Variants in PCSK2 observed in about 807,000 individuals in gnomAD.
PCSK2 encodes neuroendocrine convertase 2.
In PCSK2, 14 loss-of-function variants were observed where a neutral mutation model predicts 69.7. The observed-to-expected ratio is 0.20, with a 90% CI of 0.13 to 0.31. The LOEUF is 0.31. Ranked by LOEUF, PCSK2 falls within the 10% of genes least tolerant of loss-of-function variation. The pLI is 1.00. For missense variants in PCSK2, 544 were observed against 842.5 expected (o/e 0.65, Z 4.39); for synonymous variants, 307 against 320.7 (o/e 0.96, Z 0.46).
In PCSK2 at chr20:17,338,434, A is replaced by T. The variant is rs1442022817; in HGVS notation, c.283-19893A>T. Among the ~76,000 whole-genome samples the T allele has an allele frequency of 2.6e-5, 4 of 151,916 alleles. No individual in the cohort carries two copies. The East Asian group carries it at 7.8e-4, about 30-fold the overall frequency. On this transcript the variant is annotated intron_variant, in intron 2 of 11. Transcript: ENST00000262545. ...CTGGTCTTGAACTCCTGACCTTTTG[A>T]TCCACCCATGTCGGCCTCCCAAAGT...
intron 4 of PCSK2, among the ~76,000 whole-genome samples, chr20:17,365,658 A>G (rs1337034230): frequency 8.5e-5 from 13 of 152,224 alleles, no homozygotes; most frequent in South Asian, 2.1e-4. Flanking sequence ...GTAAAATCAA[A>G]CAAGTTACGT....
intron 5 of PCSK2, among the ~76,000 whole-genome samples, chr20:17,408,595 C>T (rs547189062): frequency 4.6e-5 from 7 of 152,120 alleles, no homozygotes; most frequent in Non-Finnish European, 1.0e-4. Context: ...TTTGATCTTT[C>T]GATTGATGTC....
At chr20:17,347,996 AAG>A (rs1990729411) in intron 2 of PCSK2, among the ~76,000 whole-genome samples, 2 of 129,370 alleles carry the variant, frequency 1.5e-5, no homozygotes, top group Admixed American at 7.4e-5. Flanking sequence ...AGAGAGAAAA[AAG>A]AGAAAGAAAG....
chr20:17,360,475 TG>T, intron 3 of PCSK2, 56 bp from the exon 4 acceptor site: 1 of 1,008,158 alleles, frequency 9.9e-7, no homozygotes, highest in South Asian at 1.4e-5. Context: ...AATATGTACA[TG>T]GGTGCTTTAC....
At chr20:17,472,347 A>T (rs1435618641) in intron 11 of PCSK2, among the ~76,000 whole-genome samples, 1 of 152,192 alleles carries the variant, frequency 6.6e-6, no homozygotes, top group Non-Finnish European at 1.5e-5. Flanking sequence ...GCCCTGTGCC[A>T]CCTGGGGGAC....
intron 7 of PCSK2, among the ~76,000 whole-genome samples, chr20:17,434,816 G>A (rs1434677968): frequency 7.2e-5 from 11 of 152,216 alleles, no homozygotes; most frequent in Non-Finnish European, 1.5e-4. Flanking sequence ...GTGAACGCCA[G>A]CCTCTGTCTA....
At chr20:17,309,458 T>C (rs182871311) in intron 2 of PCSK2, among the ~76,000 whole-genome samples, 14 of 152,302 alleles carry the variant, frequency 9.2e-5, no homozygotes, top group African/African-American at 3.1e-4. Context: ...TGCAGAGTAC[T>C]AAACCATAGT....
chr20:17,409,585 A>G (rs561357172), intron 6 of PCSK2, among the ~76,000 whole-genome samples: 1 of 152,356 alleles, frequency 6.6e-6, no homozygotes, highest in Non-Finnish European at 1.5e-5. Context: ...TAATCCATTA[A>G]AGAGAAAAGA....
chr20:17,310,207 C>T (rs1989461485), intron 2 of PCSK2, among the ~76,000 whole-genome samples: 1 of 152,148 alleles, frequency 6.6e-6, no homozygotes, highest in Admixed American at 6.5e-5. Flanking sequence ...ATTCCAACCA[C>T]CACACTGTCC....
At chr20:17,454,786 G>A (rs1021854851) in intron 9 of PCSK2, among the ~76,000 whole-genome samples, 1 of 152,188 alleles carries the variant, frequency 6.6e-6, no homozygotes, top group African/African-American at 2.4e-5. Context: ...TCTTGAGACA[G>A]GAGGACAGGA....
At chr20:17,480,293 C>T (rs1377739174) in intron 11 of PCSK2, among the ~76,000 whole-genome samples, 1 of 149,348 alleles carries the variant, frequency 6.7e-6, no homozygotes, top group Non-Finnish European at 1.5e-5. Flanking sequence ...GGGTTCAAGC[C>T]ATTTTCCCGC....
At chr20:17,289,994 C>T (rs1046887085) in intron 2 of PCSK2, among the ~76,000 whole-genome samples, 15 of 152,172 alleles carry the variant, frequency 9.9e-5, no homozygotes, top group Admixed American at 3.3e-4. Context: ...TCAGTTTGCT[C>T]ATTGTTTAGG....
chr20:17,228,064 G>C (rs1408778099), intron 1 of PCSK2: 1 of 152,312 alleles, frequency 6.6e-6, no homozygotes, highest in South Asian at 2.1e-4. Context: ...AATCGGGGCG[G>C]AACTTCTGCG....
At chr20:17,240,810 G>A (rs1184625382) in intron 1 of PCSK2, among the ~76,000 whole-genome samples, 1 of 152,146 alleles carries the variant, frequency 6.6e-6, no homozygotes, top group African/African-American at 2.4e-5. Context: ...AATAGTTGGT[G>A]TTTGTGGCTA....
intron 8 of PCSK2, among the ~76,000 whole-genome samples, chr20:17,437,140 G>A (rs112970800): frequency 1.3e-4 from 20 of 152,226 alleles, no homozygotes; most frequent in Admixed American, 5.2e-4. Context: ...AAGGGGCCGG[G>A]GGGGGGAGGG....
chr20:17,458,027 G>T (rs952423016), intron 10 of PCSK2, among the ~76,000 whole-genome samples: 1 of 152,150 alleles, frequency 6.6e-6, no homozygotes, highest in Non-Finnish European at 1.5e-5. Context: ...TAGCACATAC[G>T]TCCAGATATC....
At chr20:17,285,214 G>A (rs902483810) in intron 2 of PCSK2, among the ~76,000 whole-genome samples, 1 of 152,202 alleles carries the variant, frequency 6.6e-6, no homozygotes, top group Non-Finnish European at 1.5e-5. Context: ...AAGAACAAAG[G>A]ATGTATTCAT....
At position 17,481,221 on chromosome 20, in the gene PCSK2, A is replaced by G. The variant is rs530189898; in HGVS notation, c.1431-363A>G. ...CATGGTGAAACTCCGTCTCTACTAA[A>G]AATACAAAAAATTAGCCAGGCGTGG... On this transcript the variant is annotated intron_variant, in intron 11 of 11. Coordinates refer to ENST00000262545, the MANE Select transcript of PCSK2 (RefSeq NM_002594.5). 3.9e-5 allele frequency among the ~76,000 whole-genome samples: 6 copies of G among 152,008 alleles called. No individual in the cohort carries two copies. The East Asian group carries it at 1.2e-3, about 29-fold the overall frequency.
At chr20:17,472,277 T>C (rs1022515698) in intron 11 of PCSK2, among the ~76,000 whole-genome samples, 2 of 152,192 alleles carry the variant, frequency 1.3e-5, no homozygotes, top group African/African-American at 2.4e-5. Flanking sequence ...TGGAAATAAA[T>C]GTTAAAACCT....
Sources: allele counts gnomAD v4.1 joint callset (sites outside exome capture counted in the v4.1 genomes callset), GRCh38; gene constraint gnomAD v4.1.1; transcripts MANE v1.5; gene names NCBI Gene and HGNC (gene_info 2026-07-23, HGNC 2026-07-21).